The following COP1 variants were observed in gnomAD, a reference collection of about 807,000 sequenced individuals.
COP1 encodes the protein COP1 E3 ubiquitin ligase.
A neutral mutation model predicts 101.3 loss-of-function variants in COP1; 24 were observed. The ratio of observed to expected loss-of-function variants is 0.24; its 90% CI spans 0.17 to 0.33. The LOEUF (loss-of-function observed/expected upper bound fraction) is 0.33, where lower values mean the gene tolerates loss of function less well. Ranked by LOEUF, COP1 falls within the 10% of genes least tolerant of loss-of-function variation. The pLI, the probability that COP1 is intolerant of heterozygous loss-of-function variation, is 1.00. For missense variants in COP1, 663 were observed against 906.2 expected, an observed-to-expected ratio of 0.73 and a Z score of 3.45; for synonymous variants, 347 against 341.9, an observed-to-expected ratio of 1.01 and a Z score of -0.17.
chr1:176,206,951 C>T lies in COP1; in HGVS notation c.28G>A (p.Gly10Ser). MSGSRQAGS[G>S]SAGTSPGSSA... ...GACCCGGGGCTTGTCCCAGCGGAGC[C>T]CGACCCGGCCTGGCGGCTACCAGAC... The change falls in exon 1 of 20, where the codon GGC becomes AGC. Residue 10 changes from glycine (G) to serine (S), a missense_variant. Physicochemically the swap from Gly to Ser is moderately conservative, Grantham distance 56. Transcript: ENST00000367669. The T allele has an allele frequency of 1.4e-6, 2 of 1,442,158 alleles. No homozygotes were observed. The highest frequency in any genetic ancestry group is 1.8e-6 in the Non-Finnish European group (2 of 1,101,866). The allele number at this position is 1,442,158 out of a possible 1,614,324, so 89.3% of individuals were successfully genotyped here. A position where few individuals can be genotyped will look rare whatever the true frequency, so the allele number is the denominator to read the frequency against.
chr1:176,082,696 C>T (rs1679400677), intron 10 of COP1, among the ~76,000 whole-genome samples: 1 of 151,806 alleles, frequency 6.6e-6, no homozygotes, highest in African/African-American at 2.4e-5. Context: ...ATCCTAGCTA[C>T]TCGGGAGGCT....
intron 9 of COP1, among the ~76,000 whole-genome samples, chr1:176,092,330 A>T (rs900918585): frequency 2.6e-5 from 4 of 152,184 alleles, no homozygotes; most frequent in Non-Finnish European, 5.9e-5. Context: ...CAATCTTGAG[A>T]AAGGGCAGAA....
At chr1:176,101,823 T>C (rs1332578442) in intron 9 of COP1, among the ~76,000 whole-genome samples, 1 of 152,192 alleles carries the variant, frequency 6.6e-6, no homozygotes, top group Non-Finnish European at 1.5e-5. Context: ...GATGGGACCC[T>C]TAGACAGGCC....
chr1:176,175,676 C>T (rs1344563844), intron 3 of COP1, among the ~76,000 whole-genome samples: 1 of 152,010 alleles, frequency 6.6e-6, no homozygotes, highest in Non-Finnish European at 1.5e-5. Context: ...CCCAGGGGTC[C>T]CTGATATACA....
intron 18 of COP1, among the ~76,000 whole-genome samples, chr1:175,961,229 A>G (rs1477234202): frequency 2.0e-5 from 3 of 152,206 alleles, no homozygotes; most frequent in African/African-American, 7.2e-5. Context: ...AAACCCTGTC[A>G]TAGATCTAAC....
intron 18 of COP1, among the ~76,000 whole-genome samples, chr1:175,961,773 T>C (rs1651392500): frequency 6.6e-6 from 1 of 151,658 alleles, no homozygotes; most frequent in African/African-American, 2.4e-5. Flanking sequence ...GAGTGATCCT[T>C]TACTTGGAAA....
At chr1:176,087,926 T>TA (rs1461548872) in intron 9 of COP1, among the ~76,000 whole-genome samples, 6 of 152,088 alleles carry the variant, frequency 3.9e-5, no homozygotes, top group Non-Finnish European at 7.4e-5. Flanking sequence ...TATGCAGCCA[T>TA]AAAAAAGGAT....
At chr1:176,187,715 A>G (rs1698646167) in intron 1 of COP1, among the ~76,000 whole-genome samples, 1 of 152,180 alleles carries the variant, frequency 6.6e-6, no homozygotes, top group African/African-American at 2.4e-5. Flanking sequence ...TCATAGAATC[A>G]TTACACAGAT....
intron 2 of COP1, among the ~76,000 whole-genome samples, chr1:176,180,432 C>T (rs1170779552): frequency 2.0e-5 from 3 of 152,096 alleles, no homozygotes; most frequent in African/African-American, 7.2e-5. Context: ...GGATAAGTAT[C>T]TAGATTAGTG....
At chr1:176,206,478 A>C in intron 1 of COP1, 94 bp downstream of exon 1, 2 of 1,469,980 alleles carry the variant, frequency 1.4e-6, no homozygotes, top group Non-Finnish European at 1.9e-6. Context: ...CAAGCTCTCC[A>C]ACAAGCCACC....
chr1:175,956,400 A>AAT (rs1650656852), intron 18 of COP1, among the ~76,000 whole-genome samples: 1 of 152,172 alleles, frequency 6.6e-6, no homozygotes, highest in African/African-American at 2.4e-5. Context: ...CATACATGTA[A>AAT]AAGCTGAAAC....
intron 14 of COP1, among the ~76,000 whole-genome samples, chr1:176,038,549 G>T (rs1669961180): frequency 6.6e-6 from 1 of 152,196 alleles, no homozygotes; most frequent in Admixed American, 6.5e-5. Context: ...GCTGGGCATG[G>T]TGGCTCATGC....
chr1:176,015,272 T>C (rs896886050), intron 15 of COP1, among the ~76,000 whole-genome samples: 2 of 152,146 alleles, frequency 1.3e-5, no homozygotes, highest in African/African-American at 4.8e-5. Context: ...TAGAACAAAC[T>C]GAAGGGAAAC....
intron 1 of COP1, among the ~76,000 whole-genome samples, chr1:176,198,518 G>C (rs1469651283): frequency 6.6e-6 from 1 of 152,016 alleles, no homozygotes; most frequent in Non-Finnish European, 1.5e-5. Flanking sequence ...AAATATACAA[G>C]AGAATGTTTT....
At chr1:175,962,962 G>A (rs1351879617) in intron 18 of COP1, among the ~76,000 whole-genome samples, 3 of 151,940 alleles carry the variant, frequency 2.0e-5, no homozygotes, top group South Asian at 2.1e-4. Flanking sequence ...ATGAAACATC[G>A]TCAAATAAAC....
chr1:176,156,090 G>C (rs113046806), intron 5 of COP1, among the ~76,000 whole-genome samples: 13 of 151,666 alleles, frequency 8.6e-5, no homozygotes, highest in Admixed American at 8.5e-4. Flanking sequence ...AAATAACAAT[G>C]TTTTAAAAAA....
At position 176,175,913 on chromosome 1, in the gene COP1, A is replaced by C. The variant is rs1328796919; in HGVS notation, c.562T>G (p.Leu188Val). Residue 188 changes from leucine to valine, a missense_variant, in exon 3 of 20, where the codon TTG (leucine) becomes GTG (valine). Transcript: ENST00000367669. Reference sequence around the variant, plus strand: ...AAAAATCATTCCAAAGACTCACCCAAGAAATTAGGATACAGATGGTCAATA... The same window carrying C: ...AAAAATCATTCCAAAGACTCACCCACGAAATTAGGATACAGATGGTCAATA... ...DNIDHLYPNF[L>V]VNELILKQKQ... 1 of 1,514,272 alleles carries C rather than the reference A, an allele frequency of 6.6e-7. No individual in the cohort carries two copies. The highest frequency in any genetic ancestry group is 1.4e-5 in the African/African-American group (1 of 72,476). 93.8% of individuals were successfully genotyped at this position (1,514,272 alleles called of 1,614,324 possible).
At chr1:176,040,147 A>T (rs12088909) in intron 14 of COP1, among the ~76,000 whole-genome samples, 28 of 152,272 alleles carry the variant, frequency 1.8e-4, no homozygotes, top group African/African-American at 6.5e-4. Flanking sequence ...ACACTATAAA[A>T]AAACTAAAAT....
At position 176,046,291 on chromosome 1, in the gene COP1, C is replaced by A. The variant is rs376480344; in HGVS notation, c.1311G>T (p.Ala437=). ...TAATCTTCTTTGTAACTCCAGCAAT[C>A]GCAAAATAGTCACAATCCCGGTCAA... ...IEFDRDCDYF[A]IAGVTKKIKV... is the part of the protein sequence containing the mutation. Residue 437 remains alanine, a synonymous_variant, in exon 12 of 20, where the codon GCG becomes GCT. Coordinates refer to ENST00000367669, the MANE Select transcript of COP1 (RefSeq NM_022457.7). The A allele has an allele frequency of 6.2e-7, 1 of 1,610,026 alleles. No individual in the cohort carries two copies. The highest frequency in any genetic ancestry group is 8.5e-7 in the Non-Finnish European group (1 of 1,178,580).
Sources: allele counts gnomAD v4.1 joint callset (sites outside exome capture counted in the v4.1 genomes callset), GRCh38; gene constraint gnomAD v4.1.1; transcripts MANE v1.5; gene names NCBI Gene and HGNC (gene_info 2026-07-23, HGNC 2026-07-21).